Variants in KLHDC10 observed in about 807,000 individuals in gnomAD.
KLHDC10 encodes kelch domain-containing protein 10.
In KLHDC10, 24 loss-of-function variants were observed where a neutral mutation model predicts 56.1. That is an observed-to-expected ratio of 0.43 (90% CI 0.31 to 0.60). The LOEUF (loss-of-function observed/expected upper bound fraction) is 0.60. KLHDC10 is among the 20% of genes least tolerant of loss of function. The pLI, the probability that KLHDC10 is intolerant of heterozygous loss-of-function variation, is 0.11. For missense variants in KLHDC10, 349 were observed against 567.0 expected (o/e 0.62, Z 3.91); for synonymous variants, 188 against 207.1 (o/e 0.91, Z 0.79).
intron 1 of KLHDC10, among the ~76,000 whole-genome samples, chr7:130,091,970 A>C (rs1007037885): frequency 1.3e-5 from 2 of 152,226 alleles, no homozygotes; most frequent in Non-Finnish European, 2.9e-5. Flanking sequence ...GTAGGTATAG[A>C]ATTCTAAATG....
At chr7:130,119,279 C>CT (rs1796214226) in intron 3 of KLHDC10, among the ~76,000 whole-genome samples, 1 of 150,062 alleles carries the variant, frequency 6.7e-6, no homozygotes, top group South Asian at 2.1e-4. Flanking sequence ...GGGAGGCTGA[C>CT]ATGGGTGGAT....
intron 3 of KLHDC10, among the ~76,000 whole-genome samples, chr7:130,118,907 G>A (rs1292193377): frequency 6.6e-6 from 1 of 152,132 alleles, no homozygotes; most frequent in Non-Finnish European, 1.5e-5. Context: ...AGTTACAATA[G>A]TAACATCAAA....
intron 1 of KLHDC10, among the ~76,000 whole-genome samples, chr7:130,081,615 G>A (rs1004897978): frequency 4.6e-5 from 7 of 152,310 alleles, no homozygotes; most frequent in East Asian, 1.9e-4. Flanking sequence ...CACTGCACCC[G>A]GCATTTTGAT....
At chr7:130,128,817 G>T (rs1193334073) in intron 8 of KLHDC10, among the ~76,000 whole-genome samples, 11 of 142,680 alleles carry the variant, frequency 7.7e-5, no homozygotes, top group African/African-American at 2.6e-4. Flanking sequence ...AGGCGGGAGG[G>T]TCACTTGAGC....
chr7:130,080,649 G>A (rs983529651), intron 1 of KLHDC10, among the ~76,000 whole-genome samples: 5 of 151,872 alleles, frequency 3.3e-5, no homozygotes, highest in African/African-American at 9.7e-5. Context: ...CTCCCACCTC[G>A]GCCTCCCAAA....
At chr7:130,124,424 TA>T in intron 5 of KLHDC10, 26 bp from the exon 6 acceptor site, 2 of 1,383,386 alleles carry the variant, frequency 1.4e-6, no homozygotes, top group Non-Finnish European at 2.1e-6. Flanking sequence ...CACTTAATTA[TA>T]AATGAATTTT....
At chr7:130,126,534 G>A (rs1796318350) in intron 7 of KLHDC10, among the ~76,000 whole-genome samples, 1 of 152,010 alleles carries the variant, frequency 6.6e-6, no homozygotes, top group East Asian at 1.9e-4. Context: ...AAATTAGCTG[G>A]GCGTGGTGGC....
chr7:130,100,999 A>T (rs931476841), intron 2 of KLHDC10, among the ~76,000 whole-genome samples: 5 of 108,618 alleles, frequency 4.6e-5, no homozygotes, highest in African/African-American at 1.3e-4. Context: ...CATTGTAATT[A>T]AAAAAAAAAA....
At chr7:130,117,307 G>T (rs575851919) in intron 3 of KLHDC10, among the ~76,000 whole-genome samples, 58 of 152,290 alleles carry the variant, frequency 3.8e-4, no homozygotes, top group African/African-American at 1.3e-3. Context: ...TGGGGTGATT[G>T]TGGCAATTTC....
intron 2 of KLHDC10, among the ~76,000 whole-genome samples, chr7:130,102,576 C>G (rs1795946954): frequency 6.6e-6 from 1 of 152,116 alleles, no homozygotes; most frequent in Admixed American, 6.5e-5. Context: ...AATACCAGCA[C>G]TTTGGGAGGC....
At chr7:130,127,644 G>A (rs1032693527) in intron 8 of KLHDC10, among the ~76,000 whole-genome samples, 193 bp downstream of exon 8, 1 of 152,142 alleles carries the variant, frequency 6.6e-6, no homozygotes, top group East Asian at 1.9e-4. Flanking sequence ...TGGTGTTTGG[G>A]TTCCTTCAGT....
At chr7:130,109,929 G>A (rs113381378) in intron 2 of KLHDC10, among the ~76,000 whole-genome samples, 2,165 of 152,276 alleles carry the variant, frequency 0.014, 45 homozygotes, top group African/African-American at 0.049. Flanking sequence ...ATGACCCACC[G>A]TGCTGGGCCA....
Position 130,120,744 on chromosome 7 carries a change from C to T in KLHDC10, c.476-5C>T, listed in dbSNP as rs2116909343. 1 of 1,613,492 alleles carries T rather than the reference C, an allele frequency of 6.2e-7. No individual in the cohort carries two copies. The highest frequency in any genetic ancestry group is 8.5e-7 in the Non-Finnish European group (1 of 1,179,744). On this transcript the variant is annotated splice_region_variant and splice_polypyrimidine_tract_variant and intron_variant, in intron 3 of 9. Transcript: ENST00000335420. This position sits in a 1 kb window ranked among gnomAD's most constrained non-coding sequence, Gnocchi z 5.1. ...TGAACAGAACTTGTGCTTCTCCTTC[C>T]TCAGTTGTGCTGCATGGAAACAACC...
At chr7:130,125,737 C>T in intron 6 of KLHDC10, 128 bp from the exon 7 acceptor site, 1 of 687,966 alleles carries the variant, frequency 1.5e-6, no homozygotes, top group Non-Finnish European at 2.5e-6. Flanking sequence ...ACTGTACCTT[C>T]TGCTCAGTTT....
chr7:130,099,303 T>C (rs527583249), intron 2 of KLHDC10, among the ~76,000 whole-genome samples: 40 of 152,324 alleles, frequency 2.6e-4, no homozygotes, highest in Admixed American at 8.5e-4. Context: ...GTTCGTTCAT[T>C]CTTTCATTCT....
intron 2 of KLHDC10, among the ~76,000 whole-genome samples, chr7:130,097,449 A>G (rs1460528408): frequency 6.6e-6 from 1 of 152,192 alleles, no homozygotes; most frequent in Admixed American, 6.5e-5. Flanking sequence ...ATTATTTGTT[A>G]ACAAAGGGGT....
intron 3 of KLHDC10, chr7:130,117,456 C>G (rs1358442853): frequency 6.4e-6 from 1 of 157,014 alleles, no homozygotes; most frequent in Non-Finnish European, 1.4e-5. Context: ...CTCTCAAACC[C>G]TGCCACTGCT....
chr7:130,083,614 C>T (rs1795639459), intron 1 of KLHDC10, among the ~76,000 whole-genome samples: 1 of 151,964 alleles, frequency 6.6e-6, no homozygotes, highest in African/African-American at 2.4e-5. Flanking sequence ...AGCATTTTTT[C>T]CTATTCTCTC....
rs536949981 is a variant in KLHDC10, at chr7:130,078,094, G to A, written c.166+7285G>A. On this transcript the variant is annotated intron_variant, in intron 1 of 9. Transcript: ENST00000335420. The stretch of plus-strand genomic sequence containing the variant: ...TTCTTTTTTTTTAAATAGGCCTGGC[G>A]TGTTGGCTCATGCCTGTAATCCCAG... Among the ~76,000 whole-genome samples, 207 of 150,416 alleles carry A rather than the reference G, an allele frequency of 1.4e-3. 1 individual carries two copies. Among genetic ancestry groups the A allele is most frequent in the African/African-American group, 4.7e-3 (190 of 40,854 alleles).
Sources: gnomAD v4.1 joint callset for allele counts (sites outside exome capture counted in the v4.1 genomes callset) on GRCh38, gnomAD v4.1.1 for gene constraint, Gnocchi (gnomAD v3.1) non-coding constraint, MANE v1.5 for transcripts, NCBI Gene and HGNC (gene_info 2026-07-23, HGNC 2026-07-21) for gene names.